Variants in NAV2 observed in about 807,000 individuals in gnomAD.
NAV2 encodes helicase, APC down-regulated 1.
In NAV2, 54 loss-of-function variants were observed where a neutral mutation model predicts 223.2. The ratio of observed to expected loss-of-function variants is 0.24; its 90% CI spans 0.19 to 0.30. NAV2 has a LOEUF of 0.30. NAV2 is among the 10% of genes least tolerant of loss of function. NAV2 has a pLI of 1.00. For missense variants in NAV2, 2,806 were observed against 3,147.5 expected, an observed-to-expected ratio of 0.89 and a Z score of 2.60; for synonymous variants, 1,279 against 1,239.3, an observed-to-expected ratio of 1.03 and a Z score of -0.67.
intron 1 of NAV2, among the ~76,000 whole-genome samples, chr11:19,651,920 A>T (rs967371676): frequency 7.2e-5 from 11 of 152,138 alleles, no homozygotes; most frequent in Non-Finnish European, 4.4e-5. Context: ...GTCATAAAGC[A>T]TAATAGGATA....
chr11:19,391,630 G>A (rs558996523), intron 1 of NAV2, among the ~76,000 whole-genome samples: 1 of 152,260 alleles, frequency 6.6e-6, no homozygotes, highest in Non-Finnish European at 1.5e-5. Context: ...TAGTGGCACT[G>A]CTGTAGGAAA....
intron 1 of NAV2, among the ~76,000 whole-genome samples, chr11:19,385,753 C>CTT (rs201669772): frequency 1.2e-4 from 13 of 112,778 alleles, no homozygotes; most frequent in East Asian, 2.9e-4. Flanking sequence ...AATATAGCTC[C>CTT]TTTTTTTTTT....
At chr11:19,732,548 T>A (rs1272798425) in intron 1 of NAV2, among the ~76,000 whole-genome samples, 1 of 152,200 alleles carries the variant, frequency 6.6e-6, no homozygotes, top group African/African-American at 2.4e-5. Flanking sequence ...AGGTGGAGAA[T>A]GAAGTTCAGA....
Position 20,036,025 on chromosome 11 carries a change from C to G in NAV2, c.2835C>G (p.Asp945Glu), listed in dbSNP as rs747283771. The G allele has an allele frequency of 1.2e-6, 2 of 1,614,186 alleles. No individual in the cohort carries two copies. Among genetic ancestry groups the G allele is most frequent in the Middle Eastern group, 1.6e-4 (1 of 6,062 alleles). Reference protein sequence around the residue: ...SDTIDNLSTDDINTSSSISSY... With the variant: ...SDTIDNLSTDEINTSSSISSY... ...CCATAGACAACCTCAGCACTGATGACATCAACACCAGCTCCTCCATCAGCT... is the reference window on the plus strand; with the variant it reads ...CCATAGACAACCTCAGCACTGATGAGATCAACACCAGCTCCTCCATCAGCT... Residue 945 changes from aspartate to glutamate, a missense_variant, in exon 12 of 38, where the codon GAC becomes GAG. Asp to Glu is a conservative substitution (Grantham distance 45, BLOSUM62 2). This residue lies in a region of NAV2 where 73 missense variants were observed against 119.7 expected (regional missense o/e 0.61). Transcript: ENST00000349880.
At chr11:19,404,560 CCCT>C (rs1480671630) in intron 1 of NAV2, among the ~76,000 whole-genome samples, 2 of 6,548 alleles carry the variant, frequency 3.1e-4, no homozygotes, top group Non-Finnish European at 1.2e-3. Context: ...GCAGCTTTAA[CCCT>C]AGGTTCTGAA....
intron 5 of NAV2, among the ~76,000 whole-genome samples, chr11:19,884,797 G>A (rs1457338545): frequency 6.6e-6 from 1 of 152,000 alleles, no homozygotes; most frequent in Non-Finnish European, 1.5e-5. Flanking sequence ...TGTTGTTGTT[G>A]TTGTTGTTAA....
rs74997095 is a variant in NAV2, at chr11:19,939,808, G to C, written c.2146+35G>C. On this transcript the variant is annotated intron_variant, in intron 8 of 37. Coordinates refer to ENST00000349880, the MANE Select transcript of NAV2 (RefSeq NM_145117.5). ...GAGCCTCAGAAATCTGTGTCTGTTG[G>C]TGATGAGGCCTTCCACGCAATACCT... 1.6e-3 allele frequency: 2,413 copies of C among 1,516,566 alleles called. 45 individuals are homozygous for C. The African/African-American group carries it at 0.029, about 18-fold the overall frequency. 93.9% of individuals were successfully genotyped at this position (1,516,566 alleles called of 1,614,324 possible).
chr11:19,813,276 G>A (rs1032348029), intron 1 of NAV2, among the ~76,000 whole-genome samples: 5 of 152,144 alleles, frequency 3.3e-5, no homozygotes, highest in African/African-American at 9.7e-5. Context: ...GGAGGAGTTG[G>A]AAAGCATGTA....
intron 1 of NAV2, among the ~76,000 whole-genome samples, chr11:19,372,673 G>A (rs567509022): frequency 1.5e-4 from 23 of 152,226 alleles, no homozygotes; most frequent in Admixed American, 1.3e-3. Context: ...GCTGACCTCC[G>A]CTCCAAAATC....
At chr11:19,674,359 G>A (rs946184400) in intron 1 of NAV2, among the ~76,000 whole-genome samples, 1 of 152,262 alleles carries the variant, frequency 6.6e-6, no homozygotes, top group African/African-American at 2.4e-5. Flanking sequence ...CTGGGTGCCA[G>A]CCTTTGGGCC....
intron 1 of NAV2, among the ~76,000 whole-genome samples, chr11:19,422,191 G>A (rs1021322226): frequency 9.2e-5 from 14 of 152,178 alleles, no homozygotes; most frequent in African/African-American, 3.4e-4. Context: ...CCCTCATGCT[G>A]CTCTGTGAGT....
At chr11:19,801,606 C>T (rs771426475) in intron 1 of NAV2, among the ~76,000 whole-genome samples, 1 of 152,180 alleles carries the variant, frequency 6.6e-6, no homozygotes, top group Non-Finnish European at 1.5e-5. Context: ...CCCTGAGGAT[C>T]ATGAGCCAGG....
At chr11:19,710,024 A>C (rs1408029504), upstream of NAV2, among the ~76,000 whole-genome samples, 1 of 152,248 alleles carries the variant, frequency 6.6e-6, no homozygotes, top group African/African-American at 2.4e-5. Context: ...AAATACTTTA[A>C]AAGAAATACT....
intron 22 of NAV2, among the ~76,000 whole-genome samples, chr11:20,076,128 T>C (rs1388138686): frequency 6.6e-6 from 1 of 152,036 alleles, no homozygotes; most frequent in Non-Finnish European, 1.5e-5. Context: ...GGGAGGAAAA[T>C]AGATATTGGT....
chr11:19,704,149 C>A (rs1316137036), intron 1 of NAV2, among the ~76,000 whole-genome samples: 1 of 152,136 alleles, frequency 6.6e-6, no homozygotes. Context: ...GAAGCCCTGT[C>A]TCAGAGCACG....
intron 1 of NAV2, among the ~76,000 whole-genome samples, chr11:19,778,660 TC>T (rs2056489179): frequency 1.3e-5 from 2 of 152,214 alleles, no homozygotes; most frequent in African/African-American, 4.8e-5. Flanking sequence ...TTTTCATACT[TC>T]TTGTGTTATG....
chr11:19,535,943 C>T (rs138630516), intron 1 of NAV2, among the ~76,000 whole-genome samples: 71 of 152,194 alleles, frequency 4.7e-4, no homozygotes, highest in Middle Eastern at 3.4e-3. Flanking sequence ...GCCACAGATA[C>T]ATTAGGACCC....
intron 1 of NAV2, among the ~76,000 whole-genome samples, chr11:19,683,847 T>A (rs564816431): frequency 1.3e-5 from 2 of 152,244 alleles, no homozygotes; most frequent in African/African-American, 4.8e-5. Flanking sequence ...GGATATTAAA[T>A]TGTATCTTCA....
chr11:20,065,989 C>A (rs1337649528), intron 20 of NAV2, among the ~76,000 whole-genome samples: 2 of 152,200 alleles, frequency 1.3e-5, no homozygotes, highest in Non-Finnish European at 2.9e-5. Flanking sequence ...CTGCCACTTA[C>A]CAGCTGTGAC....
Sources: allele counts gnomAD v4.1 joint callset (sites outside exome capture counted in the v4.1 genomes callset), GRCh38; gene constraint gnomAD v4.1.1; regional missense constraint gnomAD v4.1.1; transcripts MANE v1.5; gene names NCBI Gene and HGNC (gene_info 2026-07-23, HGNC 2026-07-21).